SNX31: variants seen among roughly 807,000 people sequenced by gnomAD.
SNX31 encodes the protein sorting nexin-31.
SNX31 carries 58 observed loss-of-function variants against 65.4 expected under a neutral mutation model. The ratio of observed to expected loss-of-function variants is 0.89; its 90% CI spans 0.72 to 1.10. SNX31 has a LOEUF of 1.10. SNX31 is among the 50% of genes least tolerant of loss of function. SNX31 has a pLI of 0.00. For synonymous variants in SNX31, 181 were observed against 190.1 expected (o/e 0.95, Z 0.39); for missense variants, 523 against 529.7 (o/e 0.99, Z 0.12).
chr8:100,601,468 A>C (rs1815619529), intron 8 of SNX31, among the ~76,000 whole-genome samples: 1 of 152,222 alleles, frequency 6.6e-6, no homozygotes, highest in Non-Finnish European at 1.5e-5. Context: ...AAGTCAAGGA[A>C]ATGGATGTGC....
chr8:100,631,375 AC>A (rs1250216441), intron 3 of SNX31, among the ~76,000 whole-genome samples: 1 of 150,368 alleles, frequency 6.7e-6, no homozygotes, highest in African/African-American at 2.5e-5. Flanking sequence ...CTTCAGCTAC[AC>A]TTACATACTT....
chr8:100,659,539 G>A (rs1200339294), intron 1 of SNX31, among the ~76,000 whole-genome samples: 2 of 151,944 alleles, frequency 1.3e-5, no homozygotes, highest in Non-Finnish European at 2.9e-5. Flanking sequence ...TATCTTTATT[G>A]GTTACAAGTA....
intron 4 of SNX31, chr8:100,618,250 A>T (rs963776309): frequency 6.9e-6 from 10 of 1,457,808 alleles, no homozygotes; most frequent in Non-Finnish European, 9.2e-6. Flanking sequence ...AAGAACTTCC[A>T]AGTAAACAAC....
rs542123826 is a variant in SNX31 at position 100,626,609 on chromosome 8, T to A, written c.321+3718A>T. 1.3e-5 allele frequency among the ~76,000 whole-genome samples: 2 copies of A among 152,182 alleles called. No homozygotes were observed. The highest frequency in any genetic ancestry group is 4.8e-5 in the African/African-American group (2 of 41,450). On this transcript the variant is annotated intron_variant, in intron 4 of 13. Transcript: ENST00000311812. This position sits in a 1 kb window ranked among gnomAD's most constrained non-coding sequence, Gnocchi z 4.4. ...AACTCAGGCCCCCTCCCCAGTACTA[T>A]GTGTCAGCAAACAGCTAGCTCACAA...
intron 12 of SNX31, chr8:100,582,242 T>C (rs893085189): frequency 2.0e-5 from 3 of 152,236 alleles, no homozygotes; most frequent in African/African-American, 7.2e-5. Context: ...GTTAACTCTT[T>C]AGCTACTCAT....
chr8:100,611,587 G>A (rs1487045261), intron 7 of SNX31, among the ~76,000 whole-genome samples: 1 of 152,094 alleles, frequency 6.6e-6, no homozygotes, highest in Non-Finnish European at 1.5e-5. Flanking sequence ...ACAGGGTCTT[G>A]CACTGTTGCC....
chr8:100,627,752 G>C (rs907229871), intron 4 of SNX31, among the ~76,000 whole-genome samples: 2 of 152,054 alleles, frequency 1.3e-5, no homozygotes, highest in African/African-American at 4.8e-5. Flanking sequence ...GGCCAGGCTG[G>C]TCTCAAACTC....
chr8:100,596,535 G>C, intron 10 of SNX31, 104 bp downstream of exon 10: 3 of 911,664 alleles, frequency 3.3e-6, no homozygotes, highest in Non-Finnish European at 5.3e-6. Context: ...CTCCACTCAA[G>C]GTACAGATTC....
intron 4 of SNX31, among the ~76,000 whole-genome samples, chr8:100,621,359 G>A (rs1156952084): frequency 6.6e-6 from 1 of 152,172 alleles, no homozygotes; most frequent in Admixed American, 6.5e-5. Flanking sequence ...GGCTGCCCTA[G>A]CTCTAAGCTA....
At chr8:100,618,367 T>C in intron 4 of SNX31, 1 of 1,532,744 alleles carries the variant, frequency 6.5e-7, no homozygotes, top group Non-Finnish European at 8.7e-7. Flanking sequence ...CTAAAGCCCA[T>C]ATCCCTGATT....
Position 100,635,969 on chromosome 8 carries a change from T to C in SNX31, c.184A>G (p.Lys62Glu). 3 of 1,614,136 alleles carry C rather than the reference T, an allele frequency of 1.9e-6. No homozygotes were observed. Among genetic ancestry groups the C allele is most frequent in the Non-Finnish European group, 2.5e-6 (3 of 1,180,002 alleles). Reference sequence around the variant, plus strand: ...GCTGTGGTCATTGCCAGATAGTACTTTGGTGGGAAGGGTGGCAGGCAATTT... The same window carrying C: ...GCTGTGGTCATTGCCAGATAGTACTCTGGTGGGAAGGGTGGCAGGCAATTT... ...FGNCLPPFPP[K>E]YYLAMTTAMA... Residue 62 changes from lysine (K) to glutamate (E), a missense_variant, in exon 3 of 14, where the codon AAG becomes GAG. Lys to Glu is a moderately conservative substitution (Grantham distance 56). Coordinates refer to ENST00000311812, the MANE Select transcript of SNX31 (RefSeq NM_152628.4).
intron 2 of SNX31, among the ~76,000 whole-genome samples, chr8:100,638,491 A>G (rs1818931346): frequency 6.6e-6 from 1 of 152,214 alleles, no homozygotes; most frequent in Non-Finnish European, 1.5e-5. Flanking sequence ...TGGAATGGTT[A>G]TTAACTGCCT....
At chr8:100,659,122 A>G (rs908315145) in intron 1 of SNX31, among the ~76,000 whole-genome samples, 4 of 151,864 alleles carry the variant, frequency 2.6e-5, no homozygotes, top group Non-Finnish European at 5.9e-5. Flanking sequence ...GAGGTGGGTG[A>G]ATCACCTGAG....
chr8:100,636,146 G>T, intron 2 of SNX31, 135 bp from the exon 3 acceptor site: 1 of 598,496 alleles, frequency 1.7e-6, no homozygotes, highest in Non-Finnish European at 3.0e-6. Flanking sequence ...AGCCCAAAGG[G>T]GGAAAAGAGG....
intron 4 of SNX31, among the ~76,000 whole-genome samples, chr8:100,624,600 C>A (rs899273626): frequency 4.6e-5 from 7 of 152,058 alleles, no homozygotes; most frequent in Admixed American, 4.6e-4. Flanking sequence ...AAAGCAAGCA[C>A]AAAACAGATC....
intron 4 of SNX31, chr8:100,618,693 A>C (rs935236215): frequency 7.8e-5 from 27 of 344,360 alleles, no homozygotes; most frequent in African/African-American, 4.4e-4. Context: ...AAAATGGTGT[A>C]CTTACTATTA....
rs1399196478 is a variant in SNX31 at position 100,610,703 on chromosome 8, C to G, written c.611+1297G>C. Among the ~76,000 whole-genome samples, 1 of 152,206 alleles carries G rather than the reference C, an allele frequency of 6.6e-6. No homozygotes were observed. The highest frequency in any genetic ancestry group is 1.5e-5 in the Non-Finnish European group (1 of 68,046). The stretch of plus-strand genomic sequence containing the variant: ...CCATTGGATGGAACTGAGTTCTTCT[C>G]CCCTTCTCAGGGTTTCACATCTCAA... On this transcript the variant is annotated intron_variant, in intron 7 of 13. Transcript: ENST00000311812. The surrounding 1 kb of genome is among the most constrained non-coding windows in gnomAD (Gnocchi z 4.0).
In SNX31 at chr8:100,602,032, C is replaced by G. The variant is rs907039812; in HGVS notation, c.682-1591G>C. Among the ~76,000 whole-genome samples, 40 of 152,232 alleles carry G rather than the reference C, an allele frequency of 2.6e-4. 1 individual carries two copies. Among genetic ancestry groups the G allele is most frequent in the Non-Finnish European group, 5.9e-5 (4 of 68,038 alleles). On this transcript the variant is annotated intron_variant, in intron 8 of 13. Transcript: ENST00000311812. Reference sequence around the variant, plus strand: ...CCACACACACTCGGCCTGTGCTGCTCTAACTTGTCATGACGGGGCAGAATT... The same window carrying G: ...CCACACACACTCGGCCTGTGCTGCTGTAACTTGTCATGACGGGGCAGAATT...
In SNX31 at chr8:100,626,603, G is replaced by A. The variant is rs1818058776; in HGVS notation, c.321+3724C>T. ...GAATTCAACTCAGGCCCCCTCCCCA[G>A]TACTATGTGTCAGCAAACAGCTAGC... On this transcript the variant is annotated intron_variant, in intron 4 of 13. Transcript: ENST00000311812. The surrounding 1 kb of genome is among the most constrained non-coding windows in gnomAD (Gnocchi z 4.4). Among the ~76,000 whole-genome samples, 1 of 152,158 alleles carries A rather than the reference G, an allele frequency of 6.6e-6. No homozygotes were observed. The highest frequency in any genetic ancestry group is 1.5e-5 in the Non-Finnish European group (1 of 68,038).
Sources: allele counts gnomAD v4.1 joint callset (sites outside exome capture counted in the v4.1 genomes callset), GRCh38; gene constraint gnomAD v4.1.1; non-coding constraint Gnocchi (gnomAD v3.1); transcripts MANE v1.5; gene names NCBI Gene and HGNC (gene_info 2026-07-23, HGNC 2026-07-21).